Variants in TNIK observed in about 807,000 individuals in gnomAD.
TNIK encodes TRAF2 and NCK-interacting protein kinase.
A neutral mutation model predicts 191.3 loss-of-function variants in TNIK; 49 were observed. The ratio of observed to expected loss-of-function variants is 0.26; its 90% CI spans 0.20 to 0.32. TNIK has a LOEUF of 0.32. Ranked by LOEUF, TNIK falls within the 10% of genes least tolerant of loss-of-function variation. The pLI is 1.00. For synonymous variants in TNIK, 594 were observed against 600.9 expected (o/e 0.99, Z 0.17); for missense variants, 1,155 against 1,702.3 (o/e 0.68, Z 5.66).
chr3:171,100,701 T>G (rs1576803985), intron 22 of TNIK, among the ~76,000 whole-genome samples: 1 of 121,252 alleles, frequency 8.2e-6, no homozygotes. Flanking sequence ...TTTCACGGGA[T>G]CCACTCCAAT....
At chr3:171,419,131 T>G (rs1415936313) in intron 1 of TNIK, among the ~76,000 whole-genome samples, 1 of 152,178 alleles carries the variant, frequency 6.6e-6, no homozygotes, top group Non-Finnish European at 1.5e-5. Context: ...CCAAATACAG[T>G]CACACTGAAG....
intron 24 of TNIK, among the ~76,000 whole-genome samples, chr3:171,086,231 T>G (rs1721338184): frequency 6.6e-6 from 1 of 152,176 alleles, no homozygotes; most frequent in African/African-American, 2.4e-5. Context: ...ACCACAAAGA[T>G]CTAATCTGAT....
intron 1 of TNIK, among the ~76,000 whole-genome samples, chr3:171,373,943 G>C (rs1054447995): frequency 3.9e-5 from 6 of 152,188 alleles, no homozygotes; most frequent in African/African-American, 1.2e-4. Context: ...CATAGTGCTA[G>C]CCTCTCTTAC....
chr3:171,068,892 C>A lies in TNIK; in HGVS notation c.3655G>T (p.Asp1219Tyr). Residue 1219 changes from aspartate (D) to tyrosine (Y), a missense_variant, in exon 30 of 33, where the codon GAT becomes TAT. Asp to Tyr is a radical substitution (Grantham distance 160, BLOSUM62 -3). Coordinates refer to ENST00000436636, the MANE Select transcript of TNIK (RefSeq NM_015028.4). ...TCATAAGAGTTTCCTGAATCAACAT[C>A]AATTACATGGAAACCAGTGTGTGAA... The part of the protein sequence containing the change: ...FGSHTGFHVI[D>Y]VDSGNSYDIY... 1 of 1,613,822 alleles carries A rather than the reference C, an allele frequency of 6.2e-7. No individual in the cohort carries two copies. Among genetic ancestry groups the A allele is most frequent in the Non-Finnish European group, 8.5e-7 (1 of 1,179,788 alleles).
intron 17 of TNIK, among the ~76,000 whole-genome samples, chr3:171,125,198 G>A (rs945033484): frequency 7.2e-5 from 11 of 152,224 alleles, no homozygotes; most frequent in African/African-American, 2.6e-4. Context: ...AGAATCCGAT[G>A]CAAAAAATGT....
intron 1 of TNIK, among the ~76,000 whole-genome samples, chr3:171,434,831 T>C (rs1426607511): frequency 6.6e-6 from 1 of 152,174 alleles, no homozygotes; most frequent in Non-Finnish European, 1.5e-5. Context: ...CATTACATTA[T>C]ATATTATTAT....
At chr3:171,261,092 A>G (rs1434575837) in intron 2 of TNIK, among the ~76,000 whole-genome samples, 2 of 152,166 alleles carry the variant, frequency 1.3e-5, no homozygotes, top group Non-Finnish European at 2.9e-5. Flanking sequence ...TCAAAAGCCT[A>G]CTGTGTGGAA....
At chr3:171,131,794 C>G (rs1371544914) in intron 15 of TNIK, among the ~76,000 whole-genome samples, 1 of 152,202 alleles carries the variant, frequency 6.6e-6, no homozygotes, top group Admixed American at 6.5e-5. Context: ...TCAAATCAAA[C>G]ATTGGAAGTG....
intron 2 of TNIK, among the ~76,000 whole-genome samples, chr3:171,344,114 A>T (rs1465473171): frequency 1.3e-5 from 2 of 151,990 alleles, no homozygotes; most frequent in African/African-American, 2.4e-5. Context: ...AAACCAAATA[A>T]TTTTCCTTTA....
chr3:171,379,845 C>G (rs1717772686), intron 1 of TNIK, among the ~76,000 whole-genome samples: 1 of 152,096 alleles, frequency 6.6e-6, no homozygotes, highest in Admixed American at 6.6e-5. Flanking sequence ...CCCATTTCTA[C>G]TAAAAATACA....
intron 2 of TNIK, among the ~76,000 whole-genome samples, chr3:171,344,437 G>A (rs1215771087): frequency 6.6e-6 from 1 of 152,068 alleles, no homozygotes; most frequent in African/African-American, 2.4e-5. Flanking sequence ...GGGTGTGTGT[G>A]TTTTCATTTT....
intron 12 of TNIK, among the ~76,000 whole-genome samples, chr3:171,148,651 G>C (rs1420992077): frequency 6.6e-6 from 1 of 152,136 alleles, no homozygotes; most frequent in Non-Finnish European, 1.5e-5. Flanking sequence ...CAGTACTCCC[G>C]AGATGATACT....
At chr3:171,157,765 A>T in intron 11 of TNIK, 101 bp from the exon 12 acceptor site, 4 of 1,204,694 alleles carry the variant, frequency 3.3e-6, no homozygotes, top group Non-Finnish European at 4.7e-6. Context: ...TCACCCACAC[A>T]CAGGGAAAGA....
chr3:171,343,294 A>T (rs1711595769), intron 2 of TNIK, among the ~76,000 whole-genome samples: 1 of 152,206 alleles, frequency 6.6e-6, no homozygotes, highest in African/African-American at 2.4e-5. Context: ...TTACTTCAAT[A>T]TGATGTAATG....
chr3:171,313,032 T>C (rs756768391), intron 2 of TNIK, among the ~76,000 whole-genome samples: 2 of 152,050 alleles, frequency 1.3e-5, no homozygotes, highest in Admixed American at 6.6e-5. Flanking sequence ...TAAGAGATTA[T>C]ACATCAGGGG....
intron 24 of TNIK, 105 bp from the exon 25 acceptor site, chr3:171,085,334 G>A: frequency 9.2e-7 from 1 of 1,082,040 alleles, no homozygotes; most frequent in Non-Finnish European, 1.3e-6. Context: ...ATTCTTCAAG[G>A]TATTCAGGTG....
intron 2 of TNIK, among the ~76,000 whole-genome samples, chr3:171,321,468 T>A (rs1325431633): frequency 6.6e-6 from 1 of 152,166 alleles, no homozygotes; most frequent in African/African-American, 2.4e-5. Flanking sequence ...GATATTTGAG[T>A]TGCACAGATA....
At chr3:171,347,344 C>A in intron 2 of TNIK, 2 of 983,324 alleles carry the variant, frequency 2.0e-6, no homozygotes, top group Non-Finnish European at 3.0e-6. Flanking sequence ...GCCTGGTATA[C>A]AAGTCCTAAG....
chr3:171,399,712 A>T lies in TNIK; in HGVS notation c.58-30027T>A, dbSNP rs529463908. On this transcript the variant is annotated intron_variant, in intron 1 of 32. Transcript: ENST00000436636. ...ATACAGTTTGATCCAAATTTTACTT[A>T]TAAAAACATATATATGTGTGCTTGC... Among the ~76,000 whole-genome samples the T allele has an allele frequency of 9.2e-5, 14 of 152,360 alleles. No individual in the cohort carries two copies. In the South Asian group the frequency reaches 2.9e-3, roughly 32 times the overall value.
Sources: gnomAD v4.1 joint callset for allele counts (sites outside exome capture counted in the v4.1 genomes callset) on GRCh38, gnomAD v4.1.1 for gene constraint, MANE v1.5 for transcripts, NCBI Gene and HGNC (gene_info 2026-07-23, HGNC 2026-07-21) for gene names.